Variants in PDE10A observed in about 807,000 individuals in gnomAD.
PDE10A encodes cAMP and cAMP-inhibited cGMP 3',5'-cyclic phosphodiesterase 10A.
A neutral mutation model predicts 97.7 loss-of-function variants in PDE10A; 39 were observed. The observed-to-expected ratio is 0.40, with a 90% CI of 0.31 to 0.52. PDE10A has a LOEUF of 0.52. Ranked by LOEUF, PDE10A falls within the 20% of genes least tolerant of loss-of-function variation. The pLI is 0.56. For missense variants in PDE10A, 731 were observed against 1,047.8 expected (o/e 0.70, Z 4.17); for synonymous variants, 371 against 376.8 (o/e 0.98, Z 0.18).
intron 1 of PDE10A, among the ~76,000 whole-genome samples, chr6:165,571,686 A>G (rs961129187): frequency 1.3e-5 from 2 of 152,160 alleles, no homozygotes; most frequent in African/African-American, 4.8e-5. Flanking sequence ...AGAAATCCCC[A>G]TTCTTAAGTG....
Position 165,836,430 on chromosome 6 carries a change from C to T in PDE10A, c.-615+151099G>A, listed in dbSNP as rs886203716. On this transcript the variant is annotated intron_variant, in intron 1 of 19. Coordinates refer to the PDE10A transcript ENST00000366882. ...TGCTAACCCCATGGGGCAAGCCCTT[C>T]GGCCTCCATGACTATCTGCAGATAC... is the stretch of plus-strand genomic sequence containing the variant. 3.3e-5 allele frequency among the ~76,000 whole-genome samples: 5 copies of T among 152,210 alleles called. No homozygotes were observed. In the East Asian group the frequency reaches 5.8e-4, roughly 18 times the overall value.
chr6:165,425,813 CACTAAGAA>C (rs1409093223), intron 10 of PDE10A, among the ~76,000 whole-genome samples: 6 of 125,902 alleles, frequency 4.8e-5, no homozygotes, highest in South Asian at 2.5e-4. Context: ...GTATGTAATC[CACTAAGAA>C]ACTAAGAAAC....
intron 1 of PDE10A, among the ~76,000 whole-genome samples, chr6:165,547,275 C>T (rs1167470317): frequency 1.3e-5 from 2 of 152,068 alleles, no homozygotes; most frequent in African/African-American, 2.4e-5. Context: ...CATTTTTCAG[C>T]ATCTGGCAGG....
chr6:165,931,300 G>T (rs1250386849), intron 1 of PDE10A, among the ~76,000 whole-genome samples: 9 of 152,194 alleles, frequency 5.9e-5, no homozygotes, highest in Admixed American at 2.0e-4. Flanking sequence ...CCTCCTCAGT[G>T]TCTGTTCACA....
At chr6:165,466,781 C>T (rs923502950) in intron 3 of PDE10A, among the ~76,000 whole-genome samples, 2 of 152,092 alleles carry the variant, frequency 1.3e-5, no homozygotes, top group African/African-American at 4.8e-5. Context: ...AATAACTCTA[C>T]AATGATCTCC....
At chr6:165,565,808 G>A (rs1393303515) in intron 1 of PDE10A, among the ~76,000 whole-genome samples, 1 of 152,088 alleles carries the variant, frequency 6.6e-6, no homozygotes, top group Non-Finnish European at 1.5e-5. Flanking sequence ...TTTGACAAAG[G>A]AGCAAATGCA....
chr6:165,921,487 G>T (rs1445415650), intron 1 of PDE10A, among the ~76,000 whole-genome samples: 6 of 152,238 alleles, frequency 3.9e-5, no homozygotes, highest in Non-Finnish European at 5.9e-5. Context: ...CATTTGATGT[G>T]TTAGAAGATG....
chr6:165,499,758 A>C (rs17788090), intron 2 of PDE10A, among the ~76,000 whole-genome samples: 7,678 of 152,274 alleles, frequency 0.05, 281 homozygotes, highest in South Asian at 0.09. Context: ...CTGCTACAGA[A>C]ATTGCCTTCT....
At chr6:165,839,615 GCTCT>G (rs1048004120) in intron 1 of PDE10A, among the ~76,000 whole-genome samples, 3 of 151,958 alleles carry the variant, frequency 2.0e-5, no homozygotes, top group South Asian at 2.1e-4. Flanking sequence ...TGGTTCAAGG[GCTCT>G]CTCTATTTCT....
chr6:165,568,021 C>T lies in PDE10A; in HGVS notation c.866-24453G>A, dbSNP rs911159983. ...TTTTTTTTTTTTTTTTTTTTTGAGA[C>T]GGAGTCTCGCTCTGTCGCCCAGGCT... is the stretch of plus-strand genomic sequence containing the variant. On this transcript the variant is annotated intron_variant, in intron 1 of 21. Transcript: ENST00000539869. 2.1e-3 allele frequency among the ~76,000 whole-genome samples: 152 copies of T among 73,088 alleles called. 1 individual carries two copies. The East Asian group carries it at 0.054, about 26-fold the overall frequency. The allele number at this position is 73,088 out of a possible 152,430, so 47.9% of individuals were successfully genotyped here.
chr6:165,438,379 G>A (rs2128241747), intron 5 of PDE10A, among the ~76,000 whole-genome samples: 1 of 152,108 alleles, frequency 6.6e-6, no homozygotes, highest in South Asian at 2.1e-4. Context: ...GTAGAGATGG[G>A]ATTTCTCCAT....
intron 1 of PDE10A, among the ~76,000 whole-genome samples, chr6:165,631,742 C>G (rs966947188): frequency 6.6e-6 from 1 of 152,126 alleles, no homozygotes; most frequent in African/African-American, 2.4e-5. Flanking sequence ...GTTGCCAAAC[C>G]TGTGCAGTAT....
intron 18 of PDE10A, among the ~76,000 whole-genome samples, chr6:165,350,446 G>A (rs151186276): frequency 0.01 from 1,576 of 152,222 alleles, 23 homozygotes; most frequent in African/African-American, 0.036. Flanking sequence ...GGAAGTAACT[G>A]ACTTGCTTCT....
intron 1 of PDE10A, among the ~76,000 whole-genome samples, chr6:165,722,640 A>G (rs1325638700): frequency 1.3e-5 from 2 of 152,200 alleles, no homozygotes; most frequent in African/African-American, 2.4e-5. Flanking sequence ...TTTTCAGATC[A>G]TAGGTGCCCA....
chr6:165,748,508 C>T (rs770806201), intron 1 of PDE10A, among the ~76,000 whole-genome samples: 81 of 152,266 alleles, frequency 5.3e-4, no homozygotes, highest in African/African-American at 1.4e-3. Flanking sequence ...TTCCTGCCAA[C>T]GTACTTCAGA....
intron 1 of PDE10A, among the ~76,000 whole-genome samples, chr6:165,604,012 A>G (rs1405829685): frequency 6.6e-6 from 1 of 152,206 alleles, no homozygotes; most frequent in Non-Finnish European, 1.5e-5. Context: ...TGTAACAATC[A>G]AGATATGTAC....
intron 18 of PDE10A, among the ~76,000 whole-genome samples, chr6:165,345,071 T>TG (rs1484266626): frequency 1.3e-5 from 2 of 152,212 alleles, no homozygotes; most frequent in African/African-American, 4.8e-5. Context: ...AAATCGAATG[T>TG]GAAAAACTAC....
intron 1 of PDE10A, among the ~76,000 whole-genome samples, chr6:165,865,778 T>C (rs1781026085): frequency 6.6e-6 from 1 of 152,110 alleles, no homozygotes; most frequent in Non-Finnish European, 1.5e-5. Context: ...GTCTATGTGC[T>C]ATATGGGACA....
At chr6:165,650,958 G>C (rs1038543859) in intron 1 of PDE10A, among the ~76,000 whole-genome samples, 4 of 152,154 alleles carry the variant, frequency 2.6e-5, no homozygotes, top group African/African-American at 9.7e-5. Context: ...GGATGGTCTT[G>C]AGCTCTTGAC....
Sources: gnomAD v4.1 joint callset for allele counts (sites outside exome capture counted in the v4.1 genomes callset) on GRCh38, gnomAD v4.1.1 for gene constraint, MANE v1.5 for transcripts, NCBI Gene and HGNC (gene_info 2026-07-23, HGNC 2026-07-21) for gene names.